Variants in ROS1 observed in about 807,000 individuals in gnomAD.
ROS1 encodes proto-oncogene tyrosine-protein kinase ROS.
In ROS1, 263 loss-of-function variants were observed where a neutral mutation model predicts 273.5. The observed-to-expected ratio is 0.96, with a 90% CI of 0.87 to 1.06. The LOEUF is 1.06. Among genes scored for constraint, ROS1 ranks in the 50% least tolerant of loss-of-function variants. The pLI, the probability that ROS1 is intolerant of heterozygous loss-of-function variation, is 0.00. For missense variants in ROS1, 2,833 were observed against 2,751.1 expected (o/e 1.03, Z -0.67); for synonymous variants, 1,008 against 954.1 (o/e 1.06, Z -1.04).
rs1356181278 is a variant in ROS1, at chr6:117,387,898, G to T, written c.1881C>A (p.Thr627=). The change falls in exon 14 of 44, where the codon ACC becomes ACA. Residue 627 remains threonine, a synonymous_variant. Transcript: ENST00000368507. The stretch of plus-strand genomic sequence containing the variant: ...TCTGCAGCTCAGGTACATTCAGCAT[G>T]GTTCCACTTATGTTCAAGAAAATAT... The part of the protein sequence containing the change: ...VTHIFLNISG[T]MLNVPELQSA... 6.2e-7 allele frequency: 1 copy of T among 1,614,176 alleles called. No individual in the cohort carries two copies. Among genetic ancestry groups the T allele is most frequent in the African/African-American group, 1.3e-5 (1 of 75,056 alleles).
At chr6:117,328,168 A>G (rs1776784493) in intron 33 of ROS1, among the ~76,000 whole-genome samples, 1 of 152,238 alleles carries the variant, frequency 6.6e-6, no homozygotes, top group African/African-American at 2.4e-5. Flanking sequence ...GTGAGTACAC[A>G]GAGTCTAACT....
intron 39 of ROS1, among the ~76,000 whole-genome samples, chr6:117,311,607 C>A (rs760775050): frequency 6.6e-5 from 10 of 152,082 alleles, no homozygotes; most frequent in Non-Finnish European, 1.5e-4. Context: ...TAAGTGCTAG[C>A]TGGTTTAATT....
chr6:117,423,373 T>G (rs1226654149), intron 1 of ROS1, among the ~76,000 whole-genome samples: 2 of 152,198 alleles, frequency 1.3e-5, no homozygotes, highest in Non-Finnish European at 2.9e-5. Context: ...TTTTAACATG[T>G]TATTGTGCCC....
chr6:117,337,049 CT>C, intron 32 of ROS1, 122 bp downstream of exon 32: 1 of 778,016 alleles, frequency 1.3e-6, no homozygotes, highest in Non-Finnish European at 2.0e-6. Flanking sequence ...CATTCAAGTT[CT>C]AGAAATAATA....
chr6:117,295,786 T>C (rs1294234405), intron 43 of ROS1, among the ~76,000 whole-genome samples: 1 of 152,178 alleles, frequency 6.6e-6, no homozygotes, highest in South Asian at 2.1e-4. Context: ...AAAACTACAT[T>C]GAGATATCAT....
chr6:117,395,510 T>C (rs1773419612), intron 9 of ROS1, among the ~76,000 whole-genome samples: 1 of 152,246 alleles, frequency 6.6e-6, no homozygotes, highest in East Asian at 1.9e-4. Context: ...CTAGTAAAAA[T>C]AGAAAACAGG....
intron 18 of ROS1, among the ~76,000 whole-genome samples, chr6:117,367,828 T>TA (rs1780393687): frequency 6.6e-6 from 1 of 152,084 alleles, no homozygotes; most frequent in African/African-American, 2.4e-5. Context: ...AAGATTGATT[T>TA]AAAAAAATCA....
Position 117,310,287 on chromosome 6 carries a change from G to A in ROS1, c.6216-6C>T, listed in dbSNP as rs1775440742. 1 of 1,581,506 alleles carries A rather than the reference G, an allele frequency of 6.3e-7. No individual in the cohort carries two copies. Among genetic ancestry groups the A allele is most frequent in the Non-Finnish European group, 8.6e-7 (1 of 1,161,808 alleles). ...AATTTCTAGCTGCCAGATCCCTGTG[G>A]CAGAAGTTATATTTAATAATAATAA... On this transcript the variant is annotated splice_region_variant and splice_polypyrimidine_tract_variant and intron_variant, in intron 40 of 43. Transcript: ENST00000368507.
rs757273336 is a variant in ROS1, at chr6:117,389,665, G to T, written c.1471C>A (p.Leu491Met). ...ATGAGATGGGAAGCAGAGCCATCCA[G>T]AAATGTTGACATGAAGACTTGGGCA... ...DTAQVFMSTF[L>M]DGSASHLILP... Residue 491 changes from leucine (L) to methionine (M), a missense_variant, in exon 13 of 44, where the codon CTG becomes ATG. Coordinates refer to ENST00000368507, the MANE Select transcript of ROS1 (RefSeq NM_001378902.1). The T allele has an allele frequency of 4.3e-6, 7 of 1,614,096 alleles. No homozygotes were observed. In the South Asian group the frequency reaches 5.5e-5, roughly 13 times the overall value.
Position 117,425,571 on chromosome 6 carries a change from A to T in ROS1, c.86T>A (p.Val29Asp), listed in dbSNP as rs1776076888. 6.2e-7 allele frequency: 1 copy of T among 1,609,696 alleles called. No homozygotes were observed. Among genetic ancestry groups the T allele is most frequent in the Non-Finnish European group, 8.5e-7 (1 of 1,178,620 alleles). The change falls in exon 1 of 44, where the codon GTT becomes GAT. Residue 29 changes from valine to aspartate, a missense_variant. Coordinates refer to ENST00000368507, the MANE Select transcript of ROS1 (RefSeq NM_001378902.1). ...ACACGACTTTAGGCAGCTATTTAAA[A>T]CTGTACACTGCACCACAGAAATCCA... ...CLWISVVQCT[V>D]LNSCLKSCVT... is the part of the protein sequence containing the mutation.
chr6:117,311,726 C>A (rs1582584226), intron 39 of ROS1, among the ~76,000 whole-genome samples: 1 of 152,098 alleles, frequency 6.6e-6, no homozygotes. Flanking sequence ...CAAATTACTC[C>A]TCTCATCTAA....
In ROS1 at chr6:117,318,204, C is replaced by A; in HGVS notation, c.5971G>T (p.Glu1991Ter). Residue 1991 changes from glutamate to a stop codon, truncating the protein, a stop_gained, in exon 38 of 44, where the codon GAG becomes TAG. Transcript: ENST00000368507. LOFTEE classifies it high-confidence loss of function. ...TDQEKIEFLK[E>*]AHLMSKFNHP... Reference sequence around the variant, plus strand: ...CAGAGCTACCTCATCAGATGTGCCTCCTTCAGGAATTCAATCTTCTCCTGG... The same window carrying A: ...CAGAGCTACCTCATCAGATGTGCCTACTTCAGGAATTCAATCTTCTCCTGG... The A allele has an allele frequency of 6.2e-7, 1 of 1,612,830 alleles. No homozygotes were observed. Among genetic ancestry groups the A allele is most frequent in the Non-Finnish European group, 8.5e-7 (1 of 1,179,226 alleles).
At position 117,409,544 on chromosome 6, in the gene ROS1, T is replaced by A. The variant is rs752784988; in HGVS notation, c.316+38A>T. 4 of 1,464,510 alleles carry A rather than the reference T, an allele frequency of 2.7e-6. No homozygotes were observed. In the Middle Eastern group the frequency reaches 6.9e-4, roughly 254 times the overall value. The allele number at this position is 1,464,510 out of a possible 1,614,324, so 90.7% of individuals were successfully genotyped here. On this transcript the variant is annotated intron_variant, in intron 5 of 43. Transcript: ENST00000368507. ...ACATAAGTACAAGTCACTAGAGTGG[T>A]GCAGCCTATTTTTTAAAAGTCGTGT...
chr6:117,314,488 T>G (rs780938784), intron 39 of ROS1, among the ~76,000 whole-genome samples: 9 of 152,116 alleles, frequency 5.9e-5, no homozygotes, highest in Non-Finnish European at 1.3e-4. Flanking sequence ...AAAGAACGTT[T>G]AGGTTATTTA....
intron 32 of ROS1, among the ~76,000 whole-genome samples, chr6:117,333,327 A>G (rs1312686502): frequency 6.6e-6 from 1 of 152,216 alleles, no homozygotes; most frequent in Non-Finnish European, 1.5e-5. Context: ...ACCAGTAGCA[A>G]GCTCTGGAAT....
chr6:117,325,757 T>C (rs899364765), intron 34 of ROS1, among the ~76,000 whole-genome samples: 3 of 152,088 alleles, frequency 2.0e-5, no homozygotes, highest in Non-Finnish European at 4.4e-5. Context: ...GGCACTGAGA[T>C]TTCCTGCCTA....
At chr6:117,354,771 T>C (rs184917944) in intron 26 of ROS1, among the ~76,000 whole-genome samples, 3 of 152,286 alleles carry the variant, frequency 2.0e-5, no homozygotes, top group Admixed American at 2.0e-4. Flanking sequence ...GTATCAAATA[T>C]TAAAGAAAAA....
chr6:117,330,715 T>A (rs1777018762), intron 32 of ROS1, among the ~76,000 whole-genome samples: 1 of 152,134 alleles, frequency 6.6e-6, no homozygotes. Flanking sequence ...CCCAGCAAAC[T>A]GCAGCAGCCC....
At chr6:117,415,345 A>G (rs1383884937) in intron 3 of ROS1, among the ~76,000 whole-genome samples, 2 of 152,224 alleles carry the variant, frequency 1.3e-5, no homozygotes, top group Non-Finnish European at 2.9e-5. Flanking sequence ...TCTAAAAACT[A>G]TGTATATAAA....
Sources: allele counts gnomAD v4.1 joint callset (sites outside exome capture counted in the v4.1 genomes callset), GRCh38; gene constraint gnomAD v4.1.1; transcripts MANE v1.5; gene names NCBI Gene and HGNC (gene_info 2026-07-23, HGNC 2026-07-21).